The following RELN variants were observed in gnomAD, a reference collection of about 807,000 sequenced individuals.
RELN encodes reelin.
RELN carries 108 observed loss-of-function variants against 427.6 expected under a neutral mutation model. The observed-to-expected ratio is 0.25, with a 90% CI of 0.22 to 0.30. The LOEUF (loss-of-function observed/expected upper bound fraction) is 0.30, where lower values mean the gene tolerates loss of function less well. RELN is among the 10% of genes least tolerant of loss of function. RELN has a pLI of 1.00. For synonymous variants in RELN, 1,524 were observed against 1,513.4 expected, an observed-to-expected ratio of 1.01 and a Z score of -0.16; for missense variants, 3,715 against 4,302.8, an observed-to-expected ratio of 0.86 and a Z score of 3.82.
At chr7:103,739,387 G>A (rs899491472) in intron 6 of RELN, among the ~76,000 whole-genome samples, 2 of 152,156 alleles carry the variant, frequency 1.3e-5, no homozygotes, top group African/African-American at 4.8e-5. Context: ...TTTGTTGGGG[G>A]AGGTTTTGGA....
chr7:103,474,443 T>A (rs1424446473), intron 64 of RELN, among the ~76,000 whole-genome samples: 1 of 152,038 alleles, frequency 6.6e-6, no homozygotes, highest in Non-Finnish European at 1.5e-5. Flanking sequence ...AAAATCAGGT[T>A]TTGTCTTTAG....
intron 4 of RELN, among the ~76,000 whole-genome samples, chr7:103,772,396 T>G (rs1182184071): frequency 6.6e-6 from 1 of 152,184 alleles, no homozygotes; most frequent in Non-Finnish European, 1.5e-5. Context: ...ATCTTCAAAG[T>G]GTAGATAATA....
intron 3 of RELN, among the ~76,000 whole-genome samples, chr7:103,800,407 T>C (rs920477378): frequency 1.3e-5 from 2 of 151,904 alleles, no homozygotes; most frequent in African/African-American, 2.4e-5. Flanking sequence ...GAGAATAAAA[T>C]ACCTCAGAAG....
At chr7:103,650,558 T>A (rs1012548796) in intron 15 of RELN, among the ~76,000 whole-genome samples, 175 bp from the exon 16 acceptor site, 3 of 152,126 alleles carry the variant, frequency 2.0e-5, no homozygotes, top group Non-Finnish European at 4.4e-5. Flanking sequence ...AGACATACAA[T>A]TTGTAAAAAC....
intron 6 of RELN, among the ~76,000 whole-genome samples, chr7:103,731,663 G>C (rs939486377): frequency 1.4e-4 from 22 of 151,982 alleles, no homozygotes; most frequent in African/African-American, 4.1e-4. Context: ...AGCAAATTAT[G>C]GGCTGGAGGT....
At chr7:103,582,197 G>A (rs1831167516) in intron 28 of RELN, among the ~76,000 whole-genome samples, 1 of 152,218 alleles carries the variant, frequency 6.6e-6, no homozygotes, top group South Asian at 2.1e-4. Context: ...CAGGATGGCA[G>A]AGCCAACTTG....
intron 51 of RELN, among the ~76,000 whole-genome samples, chr7:103,505,057 A>C (rs1638434217): frequency 6.6e-6 from 1 of 152,202 alleles, no homozygotes; most frequent in Admixed American, 6.5e-5. Flanking sequence ...AAAAAAAGGC[A>C]GCAGCCCCAG....
chr7:103,955,698 T>G (rs978228097), intron 1 of RELN, among the ~76,000 whole-genome samples: 1 of 152,158 alleles, frequency 6.6e-6, no homozygotes, highest in African/African-American at 2.4e-5. Context: ...CCGATCTACA[T>G]GTAAAACACT....
intron 2 of RELN, among the ~76,000 whole-genome samples, chr7:103,844,117 T>C (rs1173028157): frequency 6.6e-6 from 1 of 152,190 alleles, no homozygotes; most frequent in Non-Finnish European, 1.5e-5. Context: ...TTTACACATA[T>C]GCAGGCCACA....
chr7:103,590,107 G>A (rs1831375644), intron 27 of RELN, among the ~76,000 whole-genome samples: 2 of 152,342 alleles, frequency 1.3e-5, no homozygotes, highest in South Asian at 4.1e-4. Flanking sequence ...TGGTTCTTGA[G>A]TCTCAGACAA....
chr7:103,485,004 T>C (rs564492671), intron 61 of RELN, among the ~76,000 whole-genome samples: 1 of 152,232 alleles, frequency 6.6e-6, no homozygotes, highest in East Asian at 1.9e-4. Context: ...AGATAGACCT[T>C]TTAGGCATGG....
chr7:103,508,087 C>T (rs1407836430), intron 51 of RELN, among the ~76,000 whole-genome samples: 4 of 152,166 alleles, frequency 2.6e-5, no homozygotes, highest in African/African-American at 7.2e-5. Context: ...GGATTCACAG[C>T]TGTATTCTAC....
intron 3 of RELN, 56 bp downstream of exon 3, chr7:103,833,481 T>C: frequency 8.2e-6 from 12 of 1,455,242 alleles, no homozygotes; most frequent in Non-Finnish European, 1.2e-5. Context: ...TGTAATCCCA[T>C]GAGAAGTCCT....
intron 28 of RELN, among the ~76,000 whole-genome samples, chr7:103,584,033 C>G (rs901971274): frequency 1.3e-5 from 2 of 152,210 alleles, no homozygotes; most frequent in Admixed American, 6.5e-5. Context: ...TAACAGCCCC[C>G]ATATCTCCAC....
rs1830538855 is a variant in RELN, at chr7:103,557,043, C to T, written c.5731G>A (p.Val1911Ile). 3 of 1,613,836 alleles carry T rather than the reference C, an allele frequency of 1.9e-6. No individual in the cohort carries two copies. The highest frequency in any genetic ancestry group is 2.5e-6 in the Non-Finnish European group (3 of 1,179,722). ...GTTTGGGCAGTGTATGGCAAGGGAA[C>T]ATTGATGAAAAGTATATTCGTTGTT... ...PQTTNILFIN[V>I]PLPYTAQTNA... Residue 1911 changes from valine (V) to isoleucine (I), a missense_variant, in exon 38 of 65, where the codon GTT becomes ATT. This residue lies in a region of RELN where 2,208 missense variants were observed against 2,361.7 expected (regional missense o/e 0.93). Transcript: ENST00000428762.
chr7:103,661,602 T>G (rs879631345), intron 11 of RELN, 75 bp from the exon 12 acceptor site: 24 of 1,309,042 alleles, frequency 1.8e-5, no homozygotes, highest in Middle Eastern at 2.1e-4. Context: ...CATTTAGTTT[T>G]TAGTGAGGGA....
rs943105150 is a variant in RELN, at chr7:103,598,467, C to T, written c.3334-1806G>A. On this transcript the variant is annotated intron_variant, in intron 24 of 64. Transcript: ENST00000428762. ...AGAACCTAGCAGGTTAATTCCAGTCCAGCAAACTCCTGTGAAAAACCTGGC... is the reference window on the plus strand; with the variant it reads ...AGAACCTAGCAGGTTAATTCCAGTCTAGCAAACTCCTGTGAAAAACCTGGC... Among the ~76,000 whole-genome samples, 4 of 152,104 alleles carry T rather than the reference C, an allele frequency of 2.6e-5. No homozygotes were observed. In the South Asian group the frequency reaches 6.2e-4, roughly 24 times the overall value.
At chr7:103,924,096 G>A (rs546902340) in intron 1 of RELN, among the ~76,000 whole-genome samples, 2 of 152,234 alleles carry the variant, frequency 1.3e-5, no homozygotes, top group Admixed American at 1.3e-4. Flanking sequence ...AGTAAGTAGA[G>A]CAGCCTCTAT....
intron 33 of RELN, 65 bp downstream of exon 33, chr7:103,566,159 A>T: frequency 7.1e-7 from 1 of 1,406,060 alleles, no homozygotes; most frequent in Non-Finnish European, 1.0e-6. Flanking sequence ...TTTTCTCCTG[A>T]CTTTTAGTTA....
Sources: allele counts gnomAD v4.1 joint callset (sites outside exome capture counted in the v4.1 genomes callset), GRCh38; gene constraint gnomAD v4.1.1; regional missense constraint gnomAD v4.1.1; transcripts MANE v1.5; gene names NCBI Gene and HGNC (gene_info 2026-07-23, HGNC 2026-07-21).